Variants in NRXN3 observed in about 807,000 individuals in gnomAD.
The protein encoded by NRXN3 is neurexin 3.
Under a neutral mutation model 137.6 loss-of-function variants are expected in NRXN3, and 32 were observed. That is an observed-to-expected ratio of 0.23 (90% CI 0.18 to 0.31). The LOEUF (loss-of-function observed/expected upper bound fraction) is 0.31, where lower values mean the gene tolerates loss of function less well. Among genes scored for constraint, NRXN3 ranks in the 10% least tolerant of loss-of-function variants. The pLI is 1.00. For synonymous variants in NRXN3, 798 were observed against 784.5 expected (o/e 1.02, Z -0.29); for missense variants, 1,574 against 2,062.5 (o/e 0.76, Z 4.59).
intron 16 of NRXN3, among the ~76,000 whole-genome samples, chr14:79,652,219 A>ATAAC (rs2098479829): frequency 6.6e-6 from 1 of 152,164 alleles, no homozygotes; most frequent in African/African-American, 2.4e-5. Flanking sequence ...ATATCTACAA[A>ATAAC]TAACTATTTC....
intron 4 of NRXN3, among the ~76,000 whole-genome samples, chr14:78,306,980 A>G (rs17107300): frequency 0.22 from 32,723 of 152,116 alleles, 3,742 homozygotes; most frequent in Admixed American, 0.26. Context: ...ATTTTTATAT[A>G]TGCAGTTTTT....
chr14:79,623,452 G>A (rs1228559024), intron 16 of NRXN3, among the ~76,000 whole-genome samples: 1 of 152,144 alleles, frequency 6.6e-6, no homozygotes, highest in East Asian at 1.9e-4. Flanking sequence ...TATCTACTTG[G>A]AGAGAAAAAA....
intron 16 of NRXN3, among the ~76,000 whole-genome samples, chr14:79,565,916 A>C (rs576767322): frequency 2.0e-5 from 3 of 152,316 alleles, no homozygotes; most frequent in East Asian, 3.9e-4. Context: ...AAATAATTCA[A>C]TTTAGAGCAA....
chr14:79,200,896 A>G (rs1316990761), intron 15 of NRXN3: 2 of 130,306 alleles, frequency 1.5e-5, no homozygotes, highest in African/African-American at 5.7e-5. Flanking sequence ...GAAAGAACAT[A>G]TGGCAACTAT....
chr14:79,300,460 A>G (rs545283546), intron 15 of NRXN3, among the ~76,000 whole-genome samples: 32 of 152,202 alleles, frequency 2.1e-4, no homozygotes, highest in African/African-American at 7.7e-4. Context: ...AGCTCCAGTT[A>G]TCTGGCAGAT....
intron 15 of NRXN3, among the ~76,000 whole-genome samples, chr14:79,173,193 T>A (rs1568495783): frequency 6.6e-6 from 1 of 152,138 alleles, no homozygotes; most frequent in Non-Finnish European, 1.5e-5. Flanking sequence ...GAATCCTATA[T>A]GCTATAATCT....
intron 16 of NRXN3, among the ~76,000 whole-genome samples, chr14:79,636,431 C>T (rs762326845): frequency 1.3e-5 from 2 of 152,052 alleles, no homozygotes; most frequent in Non-Finnish European, 2.9e-5. Context: ...TTCAGCACAT[C>T]ACACTCTGGC....
At chr14:79,536,778 AG>A (rs1466414452) in intron 16 of NRXN3, among the ~76,000 whole-genome samples, 2 of 152,124 alleles carry the variant, frequency 1.3e-5, no homozygotes, top group African/African-American at 4.8e-5. Context: ...GTCCCTGAAA[AG>A]GACATGATCT....
intron 15 of NRXN3, among the ~76,000 whole-genome samples, chr14:79,418,175 A>G (rs2095524840): frequency 6.6e-6 from 1 of 152,230 alleles, no homozygotes; most frequent in African/African-American, 2.4e-5. Context: ...ACACTGAGGT[A>G]TGCTGCCAAC....
chr14:78,453,329 G>A (rs1009474435), intron 4 of NRXN3, among the ~76,000 whole-genome samples: 4 of 152,292 alleles, frequency 2.6e-5, no homozygotes, highest in Non-Finnish European at 2.9e-5. Context: ...AGGACCATGC[G>A]GCCAACTAAG....
At chr14:78,858,974 C>T (rs2099064975) in intron 10 of NRXN3, among the ~76,000 whole-genome samples, 1 of 152,058 alleles carries the variant, frequency 6.6e-6, no homozygotes. Context: ...TTGGCTGTAT[C>T]CCCCACCCAA....
intron 1 of NRXN3, among the ~76,000 whole-genome samples, chr14:78,200,159 T>G (rs1595849369): frequency 6.6e-6 from 1 of 152,178 alleles, no homozygotes; most frequent in South Asian, 2.1e-4. Flanking sequence ...CTTTGTCTGG[T>G]TTGGGGGAAC....
At chr14:79,220,900 C>T (rs1284504779) in intron 15 of NRXN3, among the ~76,000 whole-genome samples, 3 of 151,942 alleles carry the variant, frequency 2.0e-5, no homozygotes. Context: ...GCTATCCCTC[C>T]CCTAGCCCCC....
intron 4 of NRXN3, among the ~76,000 whole-genome samples, chr14:78,562,590 A>C (rs990405449): frequency 6.6e-6 from 1 of 151,982 alleles, no homozygotes; most frequent in Non-Finnish European, 1.5e-5. Context: ...GAGATAACCC[A>C]TGAGGCAAGA....
In NRXN3 at chr14:79,647,401, G is replaced by C. The variant is rs192507879; in HGVS notation, c.3445-16377G>C. ...TAAATGTACCTTTCTATACGGAACG[G>C]TCTGCTGTCATGCAACTTTCAAATA... is the stretch of plus-strand genomic sequence containing the variant. On this transcript the variant is annotated intron_variant, in intron 16 of 20. Transcript: ENST00000335750. Among the ~76,000 whole-genome samples the C allele has an allele frequency of 1.6e-4, 22 of 135,512 alleles. No individual in the cohort carries two copies. The East Asian group carries it at 4.3e-3, about 27-fold the overall frequency. 88.9% of individuals were successfully genotyped at this position (135,512 alleles called of 152,430 possible). A position where few individuals can be genotyped will look rare whatever the true frequency, so the allele number is the denominator to read the frequency against.
intron 15 of NRXN3, among the ~76,000 whole-genome samples, chr14:79,420,870 A>G (rs2095566336): frequency 6.6e-6 from 1 of 152,172 alleles, no homozygotes; most frequent in African/African-American, 2.4e-5. Context: ...TAATAGCAGC[A>G]AGGAGAGACT....
At chr14:79,776,359 T>C (rs1444729565) in intron 19 of NRXN3, among the ~76,000 whole-genome samples, 1 of 152,224 alleles carries the variant, frequency 6.6e-6, no homozygotes, top group Non-Finnish European at 1.5e-5. Context: ...AAATTGAGGC[T>C]GTAAAGATTC....
At chr14:79,506,276 GA>G (rs569070222) in intron 16 of NRXN3, among the ~76,000 whole-genome samples, 259 of 152,242 alleles carry the variant, frequency 1.7e-3, no homozygotes, top group African/African-American at 5.8e-3. Context: ...GTAAATGACT[GA>G]AAAAATCTGG....
chr14:78,871,519 A>T (rs1453761799), intron 10 of NRXN3, among the ~76,000 whole-genome samples: 1 of 152,130 alleles, frequency 6.6e-6, no homozygotes, highest in Non-Finnish European at 1.5e-5. Context: ...TACGAATTTG[A>T]ATCTTTGCCT....
Sources: gnomAD v4.1 joint callset for allele counts (sites outside exome capture counted in the v4.1 genomes callset) on GRCh38, gnomAD v4.1.1 for gene constraint, MANE v1.5 for transcripts, NCBI Gene and HGNC (gene_info 2026-07-23, HGNC 2026-07-21) for gene names.